The following SLTM variants were observed in gnomAD, a reference collection of about 807,000 sequenced individuals.
SLTM encodes the protein SAFB like transcription modulator.
In SLTM, 43 loss-of-function variants were observed where a neutral mutation model predicts 134.6. The ratio of observed to expected loss-of-function variants is 0.32; its 90% CI spans 0.25 to 0.41. The LOEUF is 0.41. SLTM is among the 10% of genes least tolerant of loss of function. SLTM has a pLI of 1.00. For synonymous variants in SLTM, 424 were observed against 432.3 expected (o/e 0.98, Z 0.24); for missense variants, 1,055 against 1,288.8 (o/e 0.82, Z 2.78).
Position 58,923,581 on chromosome 15 carries a change from G to A in SLTM, c.251-6582C>T, listed in dbSNP as rs143843174. ...AAAGACCAAATCACCCTTAAATTCC[G>A]ACAAGCGGCACTATCTTCAGCACAT... On this transcript the variant is annotated intron_variant, in intron 2 of 20. Coordinates refer to ENST00000380516, the MANE Select transcript of SLTM (RefSeq NM_024755.4). Among the ~76,000 whole-genome samples the A allele has an allele frequency of 9.2e-5, 14 of 152,096 alleles. No individual in the cohort carries two copies. The East Asian group carries it at 2.1e-3, about 23-fold the overall frequency.
chr15:58,932,141 T>G (rs2037922351), intron 2 of SLTM: 2 of 464,484 alleles, frequency 4.3e-6, no homozygotes, highest in African/African-American at 1.9e-5. Context: ...AATAAAGAAC[T>G]GTTCTCACTT....
chr15:58,886,978 T>C lies in SLTM; in HGVS notation c.2832A>G (p.Ser944=). The change falls in exon 19 of 21, where the codon TCA becomes TCG. Residue 944 remains serine (S), a synonymous_variant. Coordinates refer to ENST00000380516, the MANE Select transcript of SLTM (RefSeq NM_024755.4). ...RGVITDRGGG[S]QHYPEERHVV... is the part of the protein sequence containing the mutation. ...GCAAGCCTCCCGCAGCACTTACCTG[T>C]GATCCACCTCCTCGGTCTGTGATGA... 6.2e-7 allele frequency: 1 copy of C among 1,612,346 alleles called. No homozygotes were observed. Among genetic ancestry groups the C allele is most frequent in the Non-Finnish European group, 8.5e-7 (1 of 1,179,984 alleles).
intron 6 of SLTM, chr15:58,900,289 C>A (rs1289708940): frequency 9.7e-6 from 2 of 206,488 alleles, no homozygotes; most frequent in South Asian, 9.3e-5. Flanking sequence ...TTGTTCAATG[C>A]TGGAATTATC....
At chr15:58,897,772 C>T (rs2035198846) in intron 8 of SLTM, among the ~76,000 whole-genome samples, 1 of 151,980 alleles carries the variant, frequency 6.6e-6, no homozygotes, top group African/African-American at 2.4e-5. Flanking sequence ...ACTCTAGATT[C>T]GATAAGAAAC....
At position 58,887,425 on chromosome 15, in the gene SLTM, G is replaced by T; in HGVS notation, c.2491C>A (p.Pro831Thr). ...KNFSDSRRNE[P>T]PPPRNELRES... The stretch of plus-strand genomic sequence containing the variant: ...CTAAGTTCATTTCTTGGTGGTGGAG[G>T]CTCATTTCTTCTGGAGTCACTGAAA... The change falls in exon 18 of 21, where the codon CCT (proline) becomes ACT (threonine). Residue 831 changes from proline to threonine, a missense_variant. Coordinates refer to ENST00000380516, the MANE Select transcript of SLTM (RefSeq NM_024755.4). 6.2e-7 allele frequency: 1 copy of T among 1,613,970 alleles called. No homozygotes were observed. Among genetic ancestry groups the T allele is most frequent in the Non-Finnish European group, 8.5e-7 (1 of 1,180,006 alleles).
chr15:58,898,889 AAAAC>A lies in SLTM; in HGVS notation c.1059-41_1059-38del, dbSNP rs777039505. On this transcript the variant is annotated intron_variant, in intron 7 of 20. Coordinates refer to ENST00000380516, the MANE Select transcript of SLTM (RefSeq NM_024755.4). ...AATCACCAGAAGAAAATTGAAAACA[AAAAC>A]AAAAACAAACCCAAAACAGAACAGC... 3.3e-6 allele frequency: 5 copies of A among 1,500,052 alleles called. No individual in the cohort carries two copies. The East Asian group carries it at 9.1e-5, about 27-fold the overall frequency. The allele number at this position is 1,500,052 out of a possible 1,614,324, so 92.9% of individuals were successfully genotyped here.
rs754706096 is a variant in SLTM, at chr15:58,893,806, A to C, written c.1648+15T>G. 36 of 1,587,564 alleles carry C rather than the reference A, an allele frequency of 2.3e-5. No individual in the cohort carries two copies. The highest frequency in any genetic ancestry group is 2.8e-5 in the Non-Finnish European group (33 of 1,172,800). Reference sequence around the variant, plus strand: ...AGAATGCATTAGAAAGGGATTGAAAAGATGTATAGCATACTTATTCGCTTC... The same window carrying C: ...AGAATGCATTAGAAAGGGATTGAAACGATGTATAGCATACTTATTCGCTTC... On this transcript the variant is annotated intron_variant, in intron 12 of 20. Transcript: ENST00000380516.
intron 5 of SLTM, among the ~76,000 whole-genome samples, chr15:58,902,760 G>C (rs2035578085): frequency 6.7e-6 from 1 of 148,154 alleles, no homozygotes; most frequent in African/African-American, 2.5e-5. Flanking sequence ...GTTTTGCTCT[G>C]TCCACCAGGC....
chr15:58,932,231 G>C, intron 2 of SLTM, 125 bp downstream of exon 2: 1 of 719,806 alleles, frequency 1.4e-6, no homozygotes, highest in Non-Finnish European at 2.4e-6. Flanking sequence ...CTTGACCCAA[G>C]AAGGCAGACT....
In SLTM at chr15:58,887,151, CA is replaced by C. The variant is rs1481845947; in HGVS notation, c.2691-33del. 1.9e-6 allele frequency: 3 copies of C among 1,613,234 alleles called. No homozygotes were observed. The East Asian group carries it at 6.7e-5, about 36-fold the overall frequency. ...AACAAAACATAAAAACATACATGAT[CA>C]AAACTGTAATCTTAACTTTTTTTAA... On this transcript the variant is annotated intron_variant, in intron 18 of 20. Coordinates refer to ENST00000380516, the MANE Select transcript of SLTM (RefSeq NM_024755.4).
intron 17 of SLTM, 118 bp downstream of exon 17, chr15:58,888,267 C>G (rs1281785839): frequency 1.3e-6 from 1 of 789,844 alleles, no homozygotes. Context: ...ACAAAAACCA[C>G]GTAAATTGTT....
chr15:58,920,812 G>A (rs1309671223), intron 2 of SLTM, among the ~76,000 whole-genome samples: 3 of 151,598 alleles, frequency 2.0e-5, no homozygotes, highest in Non-Finnish European at 4.4e-5. Flanking sequence ...AAAATTAGCC[G>A]GGTGTGGTGA....
chr15:58,887,479 C>A lies in SLTM; in HGVS notation c.2437G>T (p.Asp813Tyr). The change falls in exon 18 of 21, where the codon GAT (aspartate) becomes TAT (tyrosine). Residue 813 changes from aspartate (D) to tyrosine (Y), a missense_variant. Coordinates refer to ENST00000380516, the MANE Select transcript of SLTM (RefSeq NM_024755.4). ...KKARPTARRE[D>Y]PSFERYPKNF... Reference sequence around the variant, plus strand: ...TTGGGATATCTTTCGAAGCTTGGATCTTCCCTTCGTGCAGTAGGTCGTGCT... The same window carrying A: ...TTGGGATATCTTTCGAAGCTTGGATATTCCCTTCGTGCAGTAGGTCGTGCT... 4 of 1,614,084 alleles carry A rather than the reference C, an allele frequency of 2.5e-6. No homozygotes were observed. Among genetic ancestry groups the A allele is most frequent in the Non-Finnish European group, 3.4e-6 (4 of 1,180,000 alleles).
intron 4 of SLTM, 77 bp from the exon 5 acceptor site, chr15:58,912,687 G>T: frequency 8.6e-7 from 1 of 1,165,912 alleles, no homozygotes; most frequent in Non-Finnish European, 1.3e-6. Context: ...GCTTACACCT[G>T]ATTATCATTT....
intron 5 of SLTM, among the ~76,000 whole-genome samples, chr15:58,906,348 G>A (rs544412537): frequency 6.6e-6 from 1 of 152,204 alleles, no homozygotes; most frequent in Admixed American, 6.5e-5. Context: ...ATATGAAGAT[G>A]AAGCAAATGT....
At chr15:58,919,316 T>A (rs1448266391) in intron 2 of SLTM, among the ~76,000 whole-genome samples, 3 of 152,168 alleles carry the variant, frequency 2.0e-5, no homozygotes. Context: ...CAAATCCTGC[T>A]GGAAGCGGTG....
intron 1 of SLTM, 142 bp downstream of exon 1, chr15:58,933,262 G>A: frequency 3.6e-6 from 3 of 838,880 alleles, no homozygotes; most frequent in South Asian, 3.1e-5. Context: ...CCACGCTCGC[G>A]GGAGCCGCCC....
At chr15:58,881,089 C>T (rs558771441) in intron 20 of SLTM, among the ~76,000 whole-genome samples, 11 of 151,710 alleles carry the variant, frequency 7.3e-5, no homozygotes, top group Non-Finnish European at 1.5e-4. Context: ...GAGGCCGAGG[C>T]GGGCGGATCA....
In SLTM at chr15:58,899,656, C is replaced by T. The variant is rs1195801490; in HGVS notation, c.871G>A (p.Glu291Lys). The change falls in exon 7 of 21, where the codon GAG becomes AAG. Residue 291 changes from glutamate to lysine, a missense_variant. Coordinates refer to ENST00000380516, the MANE Select transcript of SLTM (RefSeq NM_024755.4). This position sits in a 1 kb window ranked among gnomAD's most constrained non-coding sequence, Gnocchi z 5.0. The part of the protein sequence containing the change: ...DGQDAIAQSP[E>K]KESKDYEMNA... ...ATCTCATAATCCTTGCTTTCCTTCT[C>T]CGGGCTCTGTGCAATGGCGTCCTGC... The T allele has an allele frequency of 6.2e-7, 1 of 1,614,070 alleles. No individual in the cohort carries two copies. Among genetic ancestry groups the T allele is most frequent in the Non-Finnish European group, 8.5e-7 (1 of 1,180,030 alleles).
Sources: allele counts gnomAD v4.1 joint callset (sites outside exome capture counted in the v4.1 genomes callset), GRCh38; gene constraint gnomAD v4.1.1; non-coding constraint Gnocchi (gnomAD v3.1); transcripts MANE v1.5; gene names NCBI Gene and HGNC (gene_info 2026-07-23, HGNC 2026-07-21).